KLHL15: variants seen among roughly 807,000 people sequenced by gnomAD.
The protein encoded by KLHL15 is kelch like family member 15.
Under a neutral mutation model 29.3 loss-of-function variants are expected in KLHL15, and 1 was observed. The observed-to-expected ratio is 0.03, with a 90% confidence interval of 0.01 to 0.16. The LOEUF (loss-of-function observed/expected upper bound fraction) is 0.16, where lower values mean the gene tolerates loss of function less well. Among genes scored for constraint, KLHL15 ranks in the 10% least tolerant of loss-of-function variants. KLHL15 has a pLI of 1.00. For synonymous variants in KLHL15, 212 were observed against 184.5 expected (o/e 1.15, Z -1.21); for missense variants, 215 against 478.5 (o/e 0.45, Z 5.14).
At chrX:24,020,931 T>C (rs1273152936) in intron 2 of KLHL15, among the ~76,000 whole-genome samples, 1 of 112,166 alleles carries the variant, frequency 8.9e-6, no homozygotes, top group African/African-American at 3.2e-5. Context: ...GTCTATAATA[T>C]ATATCATTAA....
At chrX:24,004,503 A>G (rs1396964781) in intron 3 of KLHL15, among the ~76,000 whole-genome samples, 1 of 112,188 alleles carries the variant, frequency 8.9e-6, no homozygotes, top group African/African-American at 3.2e-5. Flanking sequence ...TAAAAGAAAT[A>G]CATTATTGGC....
chrX:23,991,839 G>A (rs963049656), intron 3 of KLHL15, among the ~76,000 whole-genome samples: 10 of 111,126 alleles, frequency 9.0e-5, no homozygotes, highest in African/African-American at 2.9e-4. Flanking sequence ...ACTCCATCTC[G>A]AAAAAACAAC....
chrX:24,008,719 C>T (rs1929504786), intron 2 of KLHL15, among the ~76,000 whole-genome samples: 1 of 109,789 alleles, frequency 9.1e-6, no homozygotes, highest in Non-Finnish European at 1.9e-5. Flanking sequence ...CCTGTGGAAC[C>T]TTACTTCAAT....
At chrX:24,003,103 G>C (rs765212312) in intron 3 of KLHL15, among the ~76,000 whole-genome samples, 1 of 112,407 alleles carries the variant, frequency 8.9e-6, no homozygotes, top group African/African-American at 3.2e-5. Flanking sequence ...CTGCACTTTA[G>C]GGTCTTCTCC....
At chrX:24,016,599 G>A (rs143662696) in intron 2 of KLHL15, among the ~76,000 whole-genome samples, 210 of 105,841 alleles carry the variant, frequency 2.0e-3, no homozygotes, top group African/African-American at 7.0e-3. Context: ...CCCAGGAGGC[G>A]GAGATTGCAG....
chrX:24,004,725 G>A, intron 3 of KLHL15, among the ~76,000 whole-genome samples: 1 of 107,078 alleles, frequency 9.3e-6, no homozygotes, highest in South Asian at 4.0e-4. Context: ...GGGAGGCAGA[G>A]TTTGCAGCGA....
Position 23,987,891 on chromosome X carries a change from T to C in KLHL15, c.*30A>G. 1 of 1,153,125 alleles carries C rather than the reference T, an allele frequency of 8.7e-7. No individual in the cohort carries two copies. The highest frequency in any genetic ancestry group is 1.2e-6 in the Non-Finnish European group (1 of 861,259). On this transcript the variant is annotated 3_prime_UTR_variant, in exon 4 of 4. Transcript: ENST00000328046. ...TACTCTGTGCAAACAAATACTTTGTTTGCCTCTTTTTTTAGGGAGGAGGAT... is the reference window on the plus strand; with the variant it reads ...TACTCTGTGCAAACAAATACTTTGTCTGCCTCTTTTTTTAGGGAGGAGGAT...
chrX:24,004,897 C>A (rs979171056), intron 3 of KLHL15, among the ~76,000 whole-genome samples: 1 of 110,972 alleles, frequency 9.0e-6, no homozygotes, highest in Admixed American at 9.7e-5. Flanking sequence ...AAACTGAATT[C>A]TCAGTTTCAC....
Position 24,013,584 on chromosome X carries a change from A to G in KLHL15, c.-7-6884T>C, listed in dbSNP as rs968259544. 1.9e-4 allele frequency among the ~76,000 whole-genome samples: 21 copies of G among 111,735 alleles called. No individual in the cohort carries two copies. In the Admixed American group the frequency reaches 2.0e-3, roughly 11 times the overall value. On this transcript the variant is annotated intron_variant, in intron 2 of 3. Coordinates refer to ENST00000328046, the MANE Select transcript of KLHL15 (RefSeq NM_030624.3). ...CAGGCTTGAATTATTTTTAAAGGTA[A>G]AATTAATGAGCTTAGAATTTTCCTA...
chrX:23,987,884 AC>A lies in KLHL15; in HGVS notation c.*36del. The stretch of plus-strand genomic sequence containing the variant: ...AATTAATTACTCTGTGCAAACAAAT[AC>A]TTTGTTTGCCTCTTTTTTTAGGGAG... On this transcript the variant is annotated 3_prime_UTR_variant, in exon 4 of 4. Coordinates refer to ENST00000328046, the MANE Select transcript of KLHL15 (RefSeq NM_030624.3). 2 of 1,132,709 alleles carry A rather than the reference AC, an allele frequency of 1.8e-6. No homozygotes were observed. The highest frequency in any genetic ancestry group is 2.4e-6 in the Non-Finnish European group (2 of 844,666). The allele number at this position is 1,132,709 out of a possible 1,213,427, so 93.3% of individuals were successfully genotyped here.
intron 2 of KLHL15, 132 bp from the exon 3 acceptor site, chrX:24,006,832 G>A (rs1426151714): frequency 4.1e-6 from 2 of 492,741 alleles, no homozygotes; most frequent in East Asian, 7.3e-5. Context: ...AAGTCCTTTG[G>A]GAGAAGACAA....
chrX:23,988,806 T>C lies in KLHL15; in HGVS notation c.930A>G (p.Leu310=), dbSNP rs1268097272. 1 of 1,210,042 alleles carries C rather than the reference T, an allele frequency of 8.3e-7. No homozygotes were observed. The highest frequency in any genetic ancestry group is 1.7e-5 in the African/African-American group (1 of 57,204). The change falls in exon 4 of 4, where the codon CTA becomes CTG. Residue 310 remains leucine (L), a synonymous_variant. Transcript: ENST00000328046. ...LLKKPRVWWE[L]EGPQVPLRPD... is the part of the protein sequence containing the mutation. ...GTCGCAGAGGTACTTGTGGGCCTTC[T>C]AGCTCCCACCAGACTCTTGGTTTCT...
chrX:23,988,014 C>G lies in KLHL15; in HGVS notation c.1722G>C (p.Glu574Asp). The G allele has an allele frequency of 8.3e-7, 1 of 1,211,344 alleles. No individual in the cohort carries two copies. Among genetic ancestry groups the G allele is most frequent in the Non-Finnish European group, 1.1e-6 (1 of 895,171 alleles). ...CCAGCTTGCAGGGCATCCGAGGGTA[C>G]TCATCTTCCTTCCACTTGTTTTCAT... Reference protein sequence around the residue: ...DPDENKWKEDEYPRMPCKLDG... With the variant: ...DPDENKWKEDDYPRMPCKLDG... Residue 574 changes from glutamate to aspartate, a missense_variant, in exon 4 of 4, where the codon GAG becomes GAC. Glu to Asp is a conservative substitution (Grantham distance 45). Coordinates refer to ENST00000328046, the MANE Select transcript of KLHL15 (RefSeq NM_030624.3).
intron 3 of KLHL15, among the ~76,000 whole-genome samples, chrX:23,998,231 G>C (rs769977316): frequency 4.2e-4 from 47 of 110,927 alleles, no homozygotes; most frequent in Non-Finnish European, 8.1e-4. Flanking sequence ...AAAGTGCTGC[G>C]ATTACAGGCG....
intron 1 of KLHL15, among the ~76,000 whole-genome samples, chrX:24,025,318 A>G (rs1602022303): frequency 1.0e-5 from 1 of 96,860 alleles, no homozygotes; most frequent in Admixed American, 1.1e-4. Context: ...CCTCGGGATC[A>G]CCCACGCCGG....
chrX:24,017,597 G>A (rs1206496481), intron 2 of KLHL15, among the ~76,000 whole-genome samples: 9 of 108,705 alleles, frequency 8.3e-5, no homozygotes, highest in African/African-American at 2.7e-4. Flanking sequence ...CATGGGCAAC[G>A]TGGCAAAACC....
rs1929004794 is a variant in KLHL15, at chrX:23,987,333, C to A, written c.*588G>T. ...GCCTTGTGTATTTATAGGTTGTATG[C>A]GAGTATGAATATGCTTTCACTAACA... On this transcript the variant is annotated 3_prime_UTR_variant, in exon 4 of 4. Coordinates refer to ENST00000328046, the MANE Select transcript of KLHL15 (RefSeq NM_030624.3). The A allele has an allele frequency of 8.9e-6, 1 of 111,902 alleles. No homozygotes were observed. The highest frequency in any genetic ancestry group is 1.9e-5 in the Non-Finnish European group (1 of 53,184). The allele number at this position is 111,902 out of a possible 1,213,427, so 9.2% of individuals were successfully genotyped here. A position where few individuals can be genotyped will look rare whatever the true frequency, so the allele number is the denominator to read the frequency against.
chrX:23,987,748 T>TTGA lies in KLHL15; in HGVS notation c.*170_*172dup. ...CTTAGAATTAACTTATTGCATGAGT[T>TTGA]TGAGGCCACTGAAAAGAAAAAAAGG... On this transcript the variant is annotated 3_prime_UTR_variant, in exon 4 of 4. Coordinates refer to ENST00000328046, the MANE Select transcript of KLHL15 (RefSeq NM_030624.3). The TTGA allele has an allele frequency of 4.6e-6, 2 of 431,540 alleles. No homozygotes were observed. The highest frequency in any genetic ancestry group is 7.8e-6 in the Non-Finnish European group (2 of 254,835). 35.6% of individuals were successfully genotyped at this position (431,540 alleles called of 1,213,427 possible). A position where few individuals can be genotyped will look rare whatever the true frequency, so the allele number is the denominator to read the frequency against.
chrX:24,019,179 CTT>C (rs1249712068), intron 2 of KLHL15, among the ~76,000 whole-genome samples: 1 of 112,127 alleles, frequency 8.9e-6, no homozygotes. Context: ...CAATGCCACT[CTT>C]TTCACCAAGT....
Sources: allele counts gnomAD v4.1 joint callset (sites outside exome capture counted in the v4.1 genomes callset), GRCh38; gene constraint gnomAD v4.1.1; transcripts MANE v1.5; gene names NCBI Gene and HGNC (gene_info 2026-07-23, HGNC 2026-07-21).